HTT: variants seen among roughly 807,000 people sequenced by gnomAD.
HTT encodes huntingtin.
In HTT, 104 loss-of-function variants were observed where a neutral mutation model predicts 362.3. The observed-to-expected ratio is 0.29, with a 90% CI of 0.24 to 0.34. The LOEUF is 0.34. Among genes scored for constraint, HTT ranks in the 10% least tolerant of loss-of-function variants. HTT has a pLI of 1.00. For missense variants in HTT, 3,301 were observed against 3,928.6 expected (o/e 0.84, Z 4.27); for synonymous variants, 1,577 against 1,548.7 (o/e 1.02, Z -0.43).
intron 31 of HTT, among the ~76,000 whole-genome samples, chr4:3,174,363 A>G (rs575783915): frequency 1.3e-5 from 2 of 152,344 alleles, no homozygotes; most frequent in South Asian, 4.1e-4. Context: ...CTCCAAAAAA[A>G]TCATGTAATT....
At chr4:3,231,213 G>A (rs1465848219) in intron 60 of HTT, among the ~76,000 whole-genome samples, 3 of 152,366 alleles carry the variant, frequency 2.0e-5, no homozygotes, top group Non-Finnish European at 2.9e-5. Context: ...AGTGGCTGCC[G>A]TGTGCCAGCC....
At chr4:3,198,204 G>A (rs1247323073) in intron 40 of HTT, among the ~76,000 whole-genome samples, 2 of 149,658 alleles carry the variant, frequency 1.3e-5, no homozygotes, top group Non-Finnish European at 3.0e-5. Context: ...TTTCACTTTG[G>A]GGATGTGTTG....
rs754826573 is a variant in HTT at position 3,174,788 on chromosome 4, C to G, written c.4234C>G (p.Arg1412Gly). The change falls in exon 32 of 67, where the codon CGT (arginine) becomes GGT (glycine). Residue 1412 changes from arginine (R) to glycine (G), a missense_variant. Physicochemically the swap from Arg to Gly is moderately radical, Grantham distance 125. Around this residue, in one of 4 missense-constraint regions of HTT, gnomAD observed 2,316 missense variants for 2,658.5 expected, o/e 0.87. Coordinates refer to ENST00000355072, the MANE Select transcript of HTT (RefSeq NM_001388492.1). Reference protein sequence around the residue: ...KTNLTSVTKNRADKNAIHNHI... With the variant: ...KTNLTSVTKNGADKNAIHNHI... ...AAACCTCACGAGTGTCACAAAGAAC[C>G]GTGCAGATAAGGTAAATGGTGCCGT... The G allele has an allele frequency of 6.2e-6, 10 of 1,613,834 alleles. No homozygotes were observed. Among genetic ancestry groups the G allele is most frequent in the Non-Finnish European group, 8.5e-6 (10 of 1,179,918 alleles).
At chr4:3,098,877 G>A (rs2110154904) in intron 2 of HTT, among the ~76,000 whole-genome samples, 1 of 152,208 alleles carries the variant, frequency 6.6e-6, no homozygotes, top group East Asian at 1.9e-4. Flanking sequence ...GGGTTGTCTA[G>A]GATTGAAGTA....
chr4:3,132,751 C>G (rs543235518), intron 17 of HTT, 31 bp downstream of exon 17: 8 of 1,613,528 alleles, frequency 5.0e-6, no homozygotes, highest in Non-Finnish European at 6.8e-6. Context: ...TGTGTTTTTT[C>G]TAGTTATGCT....
intron 62 of HTT, 46 bp downstream of exon 62, chr4:3,235,444 T>TC: frequency 6.7e-7 from 1 of 1,503,560 alleles, no homozygotes; most frequent in South Asian, 1.1e-5. Context: ...GGAGTGGGCT[T>TC]CCCTTCTCTT....
intron 1 of HTT, among the ~76,000 whole-genome samples, chr4:3,075,643 GGGGCA>G (rs1346050931): frequency 7.7e-6 from 1 of 130,392 alleles, no homozygotes; most frequent in Admixed American, 7.5e-5. Context: ...CGGGAGTGGC[GGGGCA>G]GGGGGGGGGC....
chr4:3,099,352 T>C lies in HTT; in HGVS notation c.426T>C (p.Asp142=). ...TGTGCAGTGATGACGCAGAGTCAGA[T>C]GTCAGGATGGTGGCTGACGAATGCC... ...FLLCSDDAES[D]VRMVADECLN... is the part of the protein sequence containing the mutation. The change falls in exon 3 of 67, where the codon GAT becomes GAC. Residue 142 remains aspartate, a synonymous_variant. Transcript: ENST00000355072. The C allele has an allele frequency of 6.2e-7, 1 of 1,613,808 alleles. No individual in the cohort carries two copies. The highest frequency in any genetic ancestry group is 2.2e-5 in the East Asian group (1 of 44,888).
chr4:3,103,206 A>T (rs1420046389), intron 3 of HTT, among the ~76,000 whole-genome samples: 1 of 146,996 alleles, frequency 6.8e-6, no homozygotes, highest in East Asian at 2.0e-4. Context: ...TATATATATA[A>T]ATCCTATATA....
chr4:3,163,473 A>G (rs988329440), intron 29 of HTT, among the ~76,000 whole-genome samples: 4 of 152,180 alleles, frequency 2.6e-5, no homozygotes, highest in East Asian at 1.9e-4. Flanking sequence ...CTCTTTTTCT[A>G]TTGATTGGAA....
At chr4:3,081,653 G>A (rs1468194362) in intron 1 of HTT, among the ~76,000 whole-genome samples, 1 of 146,434 alleles carries the variant, frequency 6.8e-6, no homozygotes, top group Non-Finnish European at 1.5e-5. Flanking sequence ...CTGCCTCCCA[G>A]GTTCAAGACA....
intron 64 of HTT, 76 bp from the exon 65 acceptor site, chr4:3,238,371 A>C: frequency 8.7e-7 from 1 of 1,148,056 alleles, no homozygotes; most frequent in Non-Finnish European, 1.2e-6. Flanking sequence ...CCAGTATTAG[A>C]GCCAAGGCCC....
chr4:3,165,220 T>G (rs180864001), intron 29 of HTT, among the ~76,000 whole-genome samples: 2 of 152,300 alleles, frequency 1.3e-5, no homozygotes, highest in African/African-American at 4.8e-5. Context: ...TTGAAAATAC[T>G]TTTTTTAAAG....
At chr4:3,164,323 G>C (rs1717593605) in intron 29 of HTT, among the ~76,000 whole-genome samples, 1 of 152,170 alleles carries the variant, frequency 6.6e-6, no homozygotes, top group African/African-American at 2.4e-5. Context: ...TTTTACATTT[G>C]CTGAGGAGTG....
chr4:3,132,059 C>T (rs1287815224), intron 16 of HTT, among the ~76,000 whole-genome samples: 1 of 152,210 alleles, frequency 6.6e-6, no homozygotes, highest in Non-Finnish European at 1.5e-5. Flanking sequence ...TGCCTGGTCG[C>T]AGTGGCGCTG....
rs67455911 is a variant in HTT, at chr4:3,093,905, GTTTTTTTTTTT to G, written c.348-5355_348-5345del. ...AGATATCATTTACCCCTTTAAGTTG[GTTTTTTTTTTT>G]TTTTTTTTTTTTTAGTATTTATTGA... On this transcript the variant is annotated intron_variant, in intron 2 of 66. Transcript: ENST00000355072. Among the ~76,000 whole-genome samples the G allele has an allele frequency of 2.1e-4, 5 of 23,900 alleles. No homozygotes were observed. The East Asian group carries it at 8.4e-3, about 40-fold the overall frequency. 15.7% of individuals were successfully genotyped at this position (23,900 alleles called of 152,430 possible). A position where few individuals can be genotyped will look rare whatever the true frequency, so the allele number is the denominator to read the frequency against.
rs1373506729 is a variant in HTT, at chr4:3,242,268, A to G, written c.*2209A>G. 1.3e-5 allele frequency: 2 copies of G among 152,208 alleles called. No homozygotes were observed. The highest frequency in any genetic ancestry group is 2.9e-5 in the Non-Finnish European group (2 of 68,052). The allele number at this position is 152,208 out of a possible 1,614,324, so 9.4% of individuals were successfully genotyped here. A position where few individuals can be genotyped will look rare whatever the true frequency, so the allele number is the denominator to read the frequency against. ...ACGTGATCTAAACCAGTCCTTAGCAAGGGGCTCAGAACACCCCGCTCTGGC... is the reference window on the plus strand; with the variant it reads ...ACGTGATCTAAACCAGTCCTTAGCAGGGGGCTCAGAACACCCCGCTCTGGC... On this transcript the variant is annotated 3_prime_UTR_variant, in exon 67 of 67. Coordinates refer to ENST00000355072, the MANE Select transcript of HTT (RefSeq NM_001388492.1).
Position 3,240,364 on chromosome 4 carries a change from T to G in HTT, c.*305T>G. The G allele has an allele frequency of 4.6e-6, 2 of 437,774 alleles. No homozygotes were observed. Among genetic ancestry groups the G allele is most frequent in the East Asian group, 4.5e-5 (1 of 22,038 alleles). The allele number at this position is 437,774 out of a possible 1,614,324, so 27.1% of individuals were successfully genotyped here. A position where few individuals can be genotyped will look rare whatever the true frequency, so the allele number is the denominator to read the frequency against. The stretch of plus-strand genomic sequence containing the variant: ...CTCCTGATAGTCACCTGCTGGTTGT[T>G]GCCAGGTTGCAGCTGCTCTTGCATC... On this transcript the variant is annotated 3_prime_UTR_variant, in exon 67 of 67. Coordinates refer to ENST00000355072, the MANE Select transcript of HTT (RefSeq NM_001388492.1).
intron 11 of HTT, among the ~76,000 whole-genome samples, chr4:3,126,038 A>G (rs1715505409): frequency 6.6e-6 from 1 of 152,108 alleles, no homozygotes; most frequent in African/African-American, 2.4e-5. Context: ...ACAGATAGTT[A>G]TCTTTTTTCT....
Sources: gnomAD v4.1 joint callset for allele counts (sites outside exome capture counted in the v4.1 genomes callset) on GRCh38, gnomAD v4.1.1 for gene constraint, gnomAD v4.1.1 regional missense constraint, MANE v1.5 for transcripts, NCBI Gene and HGNC (gene_info 2026-07-23, HGNC 2026-07-21) for gene names.